ZNF521: variants seen among roughly 807,000 people sequenced by gnomAD.
ZNF521 encodes the protein LYST-interacting protein 3.
Under a neutral mutation model 105.5 loss-of-function variants are expected in ZNF521, and 14 were observed. The observed-to-expected ratio is 0.13, with a 90% CI of 0.09 to 0.21. The LOEUF is 0.21. Among genes scored for constraint, ZNF521 ranks in the 10% least tolerant of loss-of-function variants. The pLI is 1.00. For missense variants in ZNF521, 1,233 were observed against 1,629.7 expected (o/e 0.76, Z 4.19); for synonymous variants, 635 against 606.0 (o/e 1.05, Z -0.70).
In ZNF521 at chr18:25,062,122, A is replaced by G. The variant is rs1019653889; in HGVS notation, c.*590T>C. 3 of 201,752 alleles carry G rather than the reference A, an allele frequency of 1.5e-5. No homozygotes were observed. The highest frequency in any genetic ancestry group is 7.6e-5 in the East Asian group (1 of 13,082). The allele number at this position is 201,752 out of a possible 1,614,324, so 12.5% of individuals were successfully genotyped here. A position where few individuals can be genotyped will look rare whatever the true frequency, so the allele number is the denominator to read the frequency against. ...TCCAGGGAAAAAAAAATTCTTTGACAGTCTACATAACAACTATTGCATATA... is the reference window on the plus strand; with the variant it reads ...TCCAGGGAAAAAAAAATTCTTTGACGGTCTACATAACAACTATTGCATATA... On this transcript the variant is annotated 3_prime_UTR_variant, in exon 8 of 8. Transcript: ENST00000361524.
intron 7 of ZNF521, among the ~76,000 whole-genome samples, chr18:25,072,537 A>G (rs1416842173): frequency 6.6e-6 from 1 of 152,212 alleles, no homozygotes; most frequent in East Asian, 1.9e-4. Context: ...AGTGGGGGAA[A>G]AAGGTGCCGA....
intron 4 of ZNF521, among the ~76,000 whole-genome samples, chr18:25,195,982 G>GAAAT (rs1159277626): frequency 6.6e-6 from 1 of 151,692 alleles, no homozygotes; most frequent in Non-Finnish European, 1.5e-5. Context: ...GCTGGGAAGA[G>GAAAT]AAATACTTTT....
At chr18:25,211,797 T>C (rs1164072773) in intron 4 of ZNF521, among the ~76,000 whole-genome samples, 2 of 152,246 alleles carry the variant, frequency 1.3e-5, no homozygotes, top group South Asian at 2.1e-4. Context: ...AATTCCCTTA[T>C]AGAAAGTGAT....
At chr18:25,118,793 C>A (rs2034378639) in intron 5 of ZNF521, among the ~76,000 whole-genome samples, 1 of 152,038 alleles carries the variant, frequency 6.6e-6, no homozygotes, top group Admixed American at 6.6e-5. Flanking sequence ...TTAATAATTA[C>A]ATCACATTAT....
At chr18:25,078,083 T>C (rs2033407013) in intron 7 of ZNF521, among the ~76,000 whole-genome samples, 1 of 152,184 alleles carries the variant, frequency 6.6e-6, no homozygotes, top group Non-Finnish European at 1.5e-5. Context: ...CTGCGGGAGA[T>C]GGCTTTCCAC....
At chr18:25,284,117 G>A (rs945279358) in intron 3 of ZNF521, among the ~76,000 whole-genome samples, 1 of 152,142 alleles carries the variant, frequency 6.6e-6, no homozygotes, top group African/African-American at 2.4e-5. Context: ...GATAAGGTCA[G>A]GTGACATGGT....
chr18:25,083,380 C>T (rs115975209), intron 7 of ZNF521, among the ~76,000 whole-genome samples: 1 of 152,282 alleles, frequency 6.6e-6, no homozygotes, highest in African/African-American at 2.4e-5. Context: ...TCTGATATGT[C>T]TGAGGTAGAG....
At chr18:25,144,939 C>T (rs533151331) in intron 5 of ZNF521, among the ~76,000 whole-genome samples, 81 of 152,240 alleles carry the variant, frequency 5.3e-4, no homozygotes, top group Non-Finnish European at 8.7e-4. Flanking sequence ...ATCCCACAGA[C>T]GTGGAACAAA....
intron 5 of ZNF521, among the ~76,000 whole-genome samples, chr18:25,145,632 C>A (rs558433953): frequency 1.4e-4 from 22 of 152,240 alleles, no homozygotes; most frequent in African/African-American, 5.3e-4. Context: ...ATCCTGACAT[C>A]CAATATTGTG....
At chr18:25,093,126 C>T (rs1371867831) in intron 5 of ZNF521, among the ~76,000 whole-genome samples, 1 of 151,914 alleles carries the variant, frequency 6.6e-6, no homozygotes, top group Non-Finnish European at 1.5e-5. Flanking sequence ...AAAAATGAGG[C>T]GCAGAGAGTT....
chr18:25,196,425 T>C (rs2035902698), intron 4 of ZNF521, among the ~76,000 whole-genome samples: 1 of 151,490 alleles, frequency 6.6e-6, no homozygotes, highest in Non-Finnish European at 1.5e-5. Context: ...AAACCAAAGT[T>C]AAGCACAAAC....
chr18:25,264,132 A>G (rs1419470015), intron 3 of ZNF521, among the ~76,000 whole-genome samples: 1 of 152,186 alleles, frequency 6.6e-6, no homozygotes. Context: ...GTTATCACCA[A>G]CTTTCTAAAC....
chr18:25,223,333 C>A (rs1410639798), intron 4 of ZNF521, among the ~76,000 whole-genome samples: 1 of 152,186 alleles, frequency 6.6e-6, no homozygotes, highest in Non-Finnish European at 1.5e-5. Flanking sequence ...CAGGCTCTGT[C>A]TCAGTCTTCT....
At chr18:25,162,538 G>A (rs2035268468) in intron 5 of ZNF521, among the ~76,000 whole-genome samples, 1 of 152,146 alleles carries the variant, frequency 6.6e-6, no homozygotes, top group Non-Finnish European at 1.5e-5. Flanking sequence ...AACTTCTCTT[G>A]CATGCCAATA....
chr18:25,071,867 G>C (rs2033232785), intron 7 of ZNF521, among the ~76,000 whole-genome samples: 1 of 152,164 alleles, frequency 6.6e-6, no homozygotes. Flanking sequence ...TTTGTTCTTG[G>C]AGGAGTCACA....
chr18:25,323,405 T>C (rs1278708356), intron 2 of ZNF521, among the ~76,000 whole-genome samples: 1 of 152,062 alleles, frequency 6.6e-6, no homozygotes, highest in Non-Finnish European at 1.5e-5. Context: ...ATAAATATGA[T>C]AATTTAAATA....
intron 5 of ZNF521, among the ~76,000 whole-genome samples, chr18:25,140,960 A>G (rs2144436780): frequency 6.6e-6 from 1 of 152,304 alleles, no homozygotes; most frequent in East Asian, 1.9e-4. Flanking sequence ...AAACACAGAT[A>G]TTTACCCAAC....
intron 2 of ZNF521, among the ~76,000 whole-genome samples, chr18:25,350,299 C>T (rs1914675514): frequency 6.6e-6 from 1 of 151,746 alleles, no homozygotes; most frequent in South Asian, 2.1e-4. Context: ...GAGGGGTGCT[C>T]TGAGGCCCGA....
At chr18:25,241,754 A>T (rs1276236409) in intron 3 of ZNF521, among the ~76,000 whole-genome samples, 1 of 152,232 alleles carries the variant, frequency 6.6e-6, no homozygotes, top group African/African-American at 2.4e-5. Flanking sequence ...AACAATGCAC[A>T]TTCTAAAGAG....
Sources: gnomAD v4.1 joint callset for allele counts (sites outside exome capture counted in the v4.1 genomes callset) on GRCh38, gnomAD v4.1.1 for gene constraint, MANE v1.5 for transcripts, NCBI Gene and HGNC (gene_info 2026-07-23, HGNC 2026-07-21) for gene names.